ZNF595: variants seen among roughly 807,000 people sequenced by gnomAD.
ZNF595 encodes the protein zinc finger protein 595.
ZNF595 carries 9 observed loss-of-function variants against 19.4 expected under a neutral mutation model. That is an observed-to-expected ratio of 0.46 (90% CI 0.28 to 0.81). ZNF595 has a LOEUF of 0.81. ZNF595 is among the 30% of genes least tolerant of loss of function. The pLI is 0.11. For missense variants in ZNF595, 729 were observed against 736.0 expected (o/e 0.99, Z 0.11); for synonymous variants, 255 against 255.9 (o/e 1.00, Z 0.03).
At chr4:76,927 A>G (rs1713688523) in intron 3 of ZNF595, among the ~76,000 whole-genome samples, 1 of 152,136 alleles carries the variant, frequency 6.6e-6, no homozygotes. Context: ...GTTCTGGGCA[A>G]TTGTTATTAG....
intron 3 of ZNF595, among the ~76,000 whole-genome samples, chr4:78,155 T>A (rs1348464008): frequency 6.6e-6 from 1 of 152,058 alleles, no homozygotes; most frequent in Non-Finnish European, 1.5e-5. Context: ...ACTACAGGCG[T>A]CCGCGGCCAC....
At chr4:83,358 G>A (rs556531356) in intron 3 of ZNF595, among the ~76,000 whole-genome samples, 1 of 152,046 alleles carries the variant, frequency 6.6e-6, no homozygotes, top group Non-Finnish European at 1.5e-5. Context: ...AGTGGCTCAC[G>A]CCTGTAATCC....
chr4:87,176 C>G lies in ZNF595; in HGVS notation c.1672C>G (p.His558Asp). The G allele has an allele frequency of 6.2e-7, 1 of 1,613,874 alleles. No homozygotes were observed. The highest frequency in any genetic ancestry group is 8.5e-7 in the Non-Finnish European group (1 of 1,179,838). The change falls in exon 4 of 4, where the codon CAT (histidine) becomes GAT (aspartate). Residue 558 changes from histidine (H) to aspartate (D), a missense_variant. His to Asp is a moderately conservative substitution (Grantham distance 81, BLOSUM62 -1). Coordinates refer to ENST00000610261, the MANE Select transcript of ZNF595 (RefSeq NM_182524.4). ...STALNEHKKIHSGEKPYKCKE... is the reference protein window; with the variant it reads ...STALNEHKKIDSGEKPYKCKE... ...AGCCCTGAATGAACATAAGAAAATT[C>G]ATTCTGGAGAGAAACCCTACAAATG...
At chr4:84,740 C>T (rs1483648085) in intron 3 of ZNF595, among the ~76,000 whole-genome samples, 4 of 152,098 alleles carry the variant, frequency 2.6e-5, no homozygotes, top group African/African-American at 4.8e-5. Flanking sequence ...GGAACTTTCT[C>T]ACTCATTACT....
At chr4:64,720 G>C (rs1581328599) in intron 3 of ZNF595, among the ~76,000 whole-genome samples, 3 of 152,412 alleles carry the variant, frequency 2.0e-5, no homozygotes, top group Admixed American at 6.5e-5. Context: ...TGCCTTTGAT[G>C]GTTGTATTAC....
Position 85,908 on chromosome 4 carries a change from A to C in ZNF595, c.404A>C (p.Gln135Pro). 6.2e-7 allele frequency: 1 copy of C among 1,614,046 alleles called. No individual in the cohort carries two copies. The change falls in exon 4 of 4, where the codon CAG becomes CCG. Residue 135 changes from glutamine (Q) to proline (P), a missense_variant. Physicochemically the swap from Gln to Pro is moderately conservative, Grantham distance 76. Around this residue, in one of 2 missense-constraint regions of ZNF595, gnomAD observed 729 missense variants for 675.3 expected, o/e 1.08. Coordinates refer to ENST00000610261, the MANE Select transcript of ZNF595 (RefSeq NM_182524.4). ...VQKGVNNGVY[Q>P]CLSTTQSKIF... ...AAAGGAGTTAATAATGGAGTTTACC[A>C]GTGCTTGTCAACTACCCAGAGCAAA...
At chr4:66,988 A>G (rs1713147120) in intron 3 of ZNF595, among the ~76,000 whole-genome samples, 1 of 145,218 alleles carries the variant, frequency 6.9e-6, no homozygotes, top group South Asian at 2.3e-4. Flanking sequence ...TTTTATTTTC[A>G]TTAGGCTTAC....
chr4:78,895 G>C (rs1553799288), intron 3 of ZNF595, among the ~76,000 whole-genome samples: 1 of 152,076 alleles, frequency 6.6e-6, no homozygotes, highest in East Asian at 1.9e-4. Flanking sequence ...GTTTCTCCAA[G>C]TTGGTCAGGC....
rs1714188428 is a variant in ZNF595 at position 86,529 on chromosome 4, G to A, written c.1025G>A (p.Cys342Tyr). 1.2e-6 allele frequency: 2 copies of A among 1,613,788 alleles called. No individual in the cohort carries two copies. The change falls in exon 4 of 4, where the codon TGT becomes TAT. Residue 342 changes from cysteine (C) to tyrosine (Y), a missense_variant. Coordinates refer to ENST00000610261, the MANE Select transcript of ZNF595 (RefSeq NM_182524.4). Reference sequence around the variant, plus strand: ...CATACTGGCGAAAAACCCTACACATGTGAAAAATGTGGCAAAGCTTTTAAC... The same window carrying A: ...CATACTGGCGAAAAACCCTACACATATGAAAAATGTGGCAAAGCTTTTAAC... The part of the protein sequence containing the change: ...NIHTGEKPYT[C>Y]EKCGKAFNQS...
chr4:83,568 C>T (rs1443765131), intron 3 of ZNF595, among the ~76,000 whole-genome samples: 5 of 137,508 alleles, frequency 3.6e-5, no homozygotes, highest in East Asian at 2.1e-4. Context: ...TGCAGTGAGC[C>T]GAGATCACGC....
chr4:86,737 T>A lies in ZNF595; in HGVS notation c.1233T>A (p.Leu411=). ...AAGCTTTTTATAGGTCCTCACACCT[T>A]GCTAAACATAAGAGAATTCATACTG... ...CGKAFYRSSH[L]AKHKRIHTGE... The change falls in exon 4 of 4, where the codon CTT becomes CTA. Residue 411 remains leucine (L), a synonymous_variant. Coordinates refer to ENST00000610261, the MANE Select transcript of ZNF595 (RefSeq NM_182524.4). 6.2e-7 allele frequency: 1 copy of A among 1,611,284 alleles called. No individual in the cohort carries two copies. Among genetic ancestry groups the A allele is most frequent in the Non-Finnish European group, 8.5e-7 (1 of 1,179,270 alleles).
intron 3 of ZNF595, among the ~76,000 whole-genome samples, chr4:81,801 GACTT>G (rs1473447352): frequency 2.6e-5 from 4 of 152,044 alleles, no homozygotes; most frequent in African/African-American, 9.7e-5. Flanking sequence ...CTTCATGGTT[GACTT>G]ACTTCATGTT....
chr4:77,769 A>G (rs1374636008), intron 3 of ZNF595, among the ~76,000 whole-genome samples: 1 of 152,092 alleles, frequency 6.6e-6, no homozygotes, highest in Non-Finnish European at 1.5e-5. Flanking sequence ...CTGGCCTGAG[A>G]CAAAAAAAAA....
chr4:83,619 C>CAAAAAAAAAAAAAAAAA (rs71164492), intron 3 of ZNF595, among the ~76,000 whole-genome samples: 4 of 38,592 alleles, frequency 1.0e-4, no homozygotes, highest in African/African-American at 1.7e-4. Flanking sequence ...GACTCCGTCT[C>CAAAAAAAAAAAAAAAAA]AAAAAAAAAA....
intron 3 of ZNF595, among the ~76,000 whole-genome samples, chr4:72,936 C>T (rs1268238699): frequency 6.6e-6 from 1 of 152,116 alleles, no homozygotes; most frequent in Admixed American, 6.5e-5. Context: ...GGTGTACCAG[C>T]CTGGCTCAAA....
Position 86,356 on chromosome 4 carries a change from C to T in ZNF595, c.852C>T (p.Tyr284=). ...HKKIHTGEKP[Y]KCKECGKAFR... ...AAATTCATACTGGAGAGAAACCCTACAAATGTAAAGAATGTGGCAAAGCCT... is the reference window on the plus strand; with the variant it reads ...AAATTCATACTGGAGAGAAACCCTATAAATGTAAAGAATGTGGCAAAGCCT... Residue 284 remains tyrosine, a synonymous_variant, in exon 4 of 4, where the codon TAC becomes TAT. Transcript: ENST00000610261. 1 of 1,613,748 alleles carries T rather than the reference C, an allele frequency of 6.2e-7. No individual in the cohort carries two copies. Among genetic ancestry groups the T allele is most frequent in the Non-Finnish European group, 8.5e-7 (1 of 1,179,896 alleles).
Position 77,146 on chromosome 4 carries a change from T to TA in ZNF595, c.227-8582dup, listed in dbSNP as rs549547992. On this transcript the variant is annotated intron_variant, in intron 3 of 3. Coordinates refer to ENST00000610261, the MANE Select transcript of ZNF595 (RefSeq NM_182524.4). ...TTCACTCTTTCATTCTTTTTTTTTT[T>TA]AAATTAGGAACTGTCAAATGACTTA... Among the ~76,000 whole-genome samples the TA allele has an allele frequency of 3.0e-4, 45 of 151,964 alleles. 1 individual carries two copies. In the East Asian group the frequency reaches 7.0e-3, roughly 23 times the overall value.
intron 3 of ZNF595, among the ~76,000 whole-genome samples, chr4:75,975 G>A (rs1425909223): frequency 6.6e-6 from 1 of 152,034 alleles, no homozygotes; most frequent in Non-Finnish European, 1.5e-5. Flanking sequence ...GTGCAGCCTT[G>A]ACCTCCCCAG....
intron 3 of ZNF595, among the ~76,000 whole-genome samples, chr4:83,619 C>CAAAAAAAAAAAAAAA (rs71164492): frequency 1.6e-4 from 6 of 38,592 alleles, no homozygotes; most frequent in Admixed American, 3.5e-4. Flanking sequence ...GACTCCGTCT[C>CAAAAAAAAAAAAAAA]AAAAAAAAAA....
Sources: gnomAD v4.1 joint callset for allele counts (sites outside exome capture counted in the v4.1 genomes callset) on GRCh38, gnomAD v4.1.1 for gene constraint, gnomAD v4.1.1 regional missense constraint, MANE v1.5 for transcripts, NCBI Gene and HGNC (gene_info 2026-07-23, HGNC 2026-07-21) for gene names.